SNX29: variants seen among roughly 807,000 people sequenced by gnomAD.
The protein encoded by SNX29 is sorting nexin-29.
A neutral mutation model predicts 102.1 loss-of-function variants in SNX29; 78 were observed. That is an observed-to-expected ratio of 0.76 (90% CI 0.64 to 0.92). The LOEUF (loss-of-function observed/expected upper bound fraction) is 0.92, where lower values mean the gene tolerates loss of function less well. Among genes scored for constraint, SNX29 ranks in the 40% least tolerant of loss-of-function variants. SNX29 has a pLI of 0.00. For missense variants in SNX29, 1,280 were observed against 1,061.7 expected, an observed-to-expected ratio of 1.21 and a Z score of -2.86; for synonymous variants, 580 against 414.5, an observed-to-expected ratio of 1.40 and a Z score of -4.85.
intron 13 of SNX29, among the ~76,000 whole-genome samples, chr16:12,193,155 G>T (rs1377642995): frequency 6.6e-6 from 1 of 152,144 alleles, no homozygotes; most frequent in Non-Finnish European, 1.5e-5. Context: ...AATGTTTTTG[G>T]AGTTTCATCC....
intron 19 of SNX29, among the ~76,000 whole-genome samples, chr16:12,491,505 C>CTGT (rs150951400): frequency 0.52 from 78,648 of 151,200 alleles, 20,994 homozygotes; most frequent in South Asian, 0.66. Context: ...TTTGTTGCTG[C>CTGT]TGTTGTTTTT....
intron 18 of SNX29, among the ~76,000 whole-genome samples, chr16:12,428,627 AGTT>A (rs2085182247): frequency 6.6e-6 from 1 of 151,920 alleles, no homozygotes; most frequent in East Asian, 1.9e-4. Context: ...TATATCTCCT[AGTT>A]AATCCCAATA....
chr16:12,258,893 C>A (rs986409564), intron 14 of SNX29, among the ~76,000 whole-genome samples: 2 of 152,060 alleles, frequency 1.3e-5, no homozygotes, highest in African/African-American at 4.8e-5. Flanking sequence ...GGGAAATTTC[C>A]CTGAGTCTCT....
chr16:12,316,058 T>A (rs190878214), intron 15 of SNX29, among the ~76,000 whole-genome samples: 4 of 152,296 alleles, frequency 2.6e-5, no homozygotes, highest in Admixed American at 2.6e-4. Flanking sequence ...GTGATGTGAT[T>A]GGGTGAATGC....
At chr16:12,428,980 TA>T (rs1482696919) in intron 18 of SNX29, among the ~76,000 whole-genome samples, 1 of 152,208 alleles carries the variant, frequency 6.6e-6, no homozygotes, top group African/African-American at 2.4e-5. Context: ...CGATTGCGAT[TA>T]ATAGTTCTTT....
intron 13 of SNX29, among the ~76,000 whole-genome samples, chr16:12,184,523 A>G (rs1268745413): frequency 6.6e-6 from 1 of 152,232 alleles, no homozygotes; most frequent in Non-Finnish European, 1.5e-5. Context: ...GTTCCGATTT[A>G]CCTTGTAAAT....
rs1172568090 is a variant in SNX29, at chr16:12,069,146, A to C, written c.1319+14A>C. On this transcript the variant is annotated intron_variant, in intron 10 of 20. Transcript: ENST00000566228. ...ACTTCGGTACAGGTTAATATTGAGA[A>C]ACCCAGTTGCCTGTGGCATTAAAAC... 6.2e-7 allele frequency: 1 copy of C among 1,601,262 alleles called. No homozygotes were observed. Among genetic ancestry groups the C allele is most frequent in the African/African-American group, 1.3e-5 (1 of 74,500 alleles).
At chr16:12,497,593 A>G (rs376965996) in intron 19 of SNX29, among the ~76,000 whole-genome samples, 5 of 152,190 alleles carry the variant, frequency 3.3e-5, no homozygotes, top group South Asian at 2.1e-4. Context: ...AGACATCTCT[A>G]TCTTGACCAG....
chr16:12,435,719 A>G (rs764656278), intron 18 of SNX29, among the ~76,000 whole-genome samples: 2 of 152,178 alleles, frequency 1.3e-5, no homozygotes, highest in Non-Finnish European at 2.9e-5. Context: ...CTTTGCTCCT[A>G]GAAGGCCCCA....
rs564464639 is a variant in SNX29, at chr16:12,404,340, G to A, written c.2037+811G>A. ...CCAATCAAGGGGACTCCAGTTCTCC[G>A]TCTCCTCTCTGATTTTCTGAAGCCT... On this transcript the variant is annotated intron_variant, in intron 18 of 20. Coordinates refer to ENST00000566228, the MANE Select transcript of SNX29 (RefSeq NM_032167.5). Among the ~76,000 whole-genome samples, 12 of 152,196 alleles carry A rather than the reference G, an allele frequency of 7.9e-5. No homozygotes were observed. The South Asian group carries it at 8.3e-4, about 11-fold the overall frequency.
chr16:12,217,749 A>G (rs184755343), intron 14 of SNX29, among the ~76,000 whole-genome samples: 44 of 152,314 alleles, frequency 2.9e-4, no homozygotes, highest in Admixed American at 1.5e-3. Context: ...ATCAGTGCCA[A>G]GTGAATTTCA....
At chr16:12,534,041 T>A (rs2077002159) in intron 20 of SNX29, among the ~76,000 whole-genome samples, 1 of 152,230 alleles carries the variant, frequency 6.6e-6, no homozygotes. Context: ...CATAAGTCTG[T>A]TTAACATGTG....
At chr16:12,484,275 A>C (rs1447922317) in intron 19 of SNX29, among the ~76,000 whole-genome samples, 3 of 151,992 alleles carry the variant, frequency 2.0e-5, no homozygotes, top group African/African-American at 7.3e-5. Flanking sequence ...CAGCCTCCCA[A>C]AGTGCTGGGA....
intron 13 of SNX29, among the ~76,000 whole-genome samples, chr16:12,179,299 C>A (rs927157963): frequency 1.3e-5 from 2 of 152,168 alleles, no homozygotes; most frequent in Non-Finnish European, 2.9e-5. Context: ...GACTGGGCAA[C>A]GTGGCGAAGC....
Position 12,568,856 on chromosome 16 carries a change from A to T in SNX29, c.*227A>T. ...GCAGCACCTCGCTGGAGAGACTGGGACACACAGTCCTTCTGCTTCTGGGGT... is the reference window on the plus strand; with the variant it reads ...GCAGCACCTCGCTGGAGAGACTGGGTCACACAGTCCTTCTGCTTCTGGGGT... On this transcript the variant is annotated 3_prime_UTR_variant, in exon 21 of 21. Coordinates refer to ENST00000566228, the MANE Select transcript of SNX29 (RefSeq NM_032167.5). 6.2e-6 allele frequency: 4 copies of T among 641,446 alleles called. No homozygotes were observed. Among genetic ancestry groups the T allele is most frequent in the Non-Finnish European group, 1.0e-5 (4 of 387,966 alleles). 39.7% of individuals were successfully genotyped at this position (641,446 alleles called of 1,614,324 possible). A position where few individuals can be genotyped will look rare whatever the true frequency, so the allele number is the denominator to read the frequency against.
chr16:12,031,111 C>T (rs1237867148), intron 4 of SNX29, among the ~76,000 whole-genome samples: 1 of 151,820 alleles, frequency 6.6e-6, no homozygotes, highest in South Asian at 2.1e-4. Flanking sequence ...CTTGCTCTGT[C>T]GCCCAGGCTA....
At chr16:12,137,423 C>T (rs2054703909) in intron 13 of SNX29, among the ~76,000 whole-genome samples, 1 of 152,216 alleles carries the variant, frequency 6.6e-6, no homozygotes, top group Non-Finnish European at 1.5e-5. Context: ...ATTTTTCCAG[C>T]CCTGCCTGCC....
chr16:12,066,157 C>T (rs1230845566), intron 9 of SNX29, among the ~76,000 whole-genome samples: 1 of 152,092 alleles, frequency 6.6e-6, no homozygotes, highest in Admixed American at 6.6e-5. Flanking sequence ...GATTTCCACT[C>T]TGCATGTTGA....
intron 15 of SNX29, among the ~76,000 whole-genome samples, chr16:12,313,414 C>G (rs1054868468): frequency 1.3e-5 from 2 of 152,150 alleles, no homozygotes; most frequent in Non-Finnish European, 2.9e-5. Context: ...ATGGGGTTGC[C>G]TAACTACAGG....
Sources: allele counts gnomAD v4.1 joint callset (sites outside exome capture counted in the v4.1 genomes callset), GRCh38; gene constraint gnomAD v4.1.1; transcripts MANE v1.5; gene names NCBI Gene and HGNC (gene_info 2026-07-23, HGNC 2026-07-21).